NBAS: variants seen among roughly 807,000 people sequenced by gnomAD.
The protein encoded by NBAS is NBAS subunit of NRZ tethering complex.
Under a neutral mutation model 302.5 loss-of-function variants are expected in NBAS, and 219 were observed. That is an observed-to-expected ratio of 0.72 (90% CI 0.65 to 0.81). The LOEUF is 0.81. Ranked by LOEUF, NBAS falls within the 30% of genes least tolerant of loss-of-function variation. The pLI is 0.00. For missense variants in NBAS, 2,932 were observed against 2,841.6 expected (o/e 1.03, Z -0.72); for synonymous variants, 1,118 against 1,021.6 (o/e 1.09, Z -1.80).
At chr2:15,235,293 C>A (rs1667543711) in intron 45 of NBAS, among the ~76,000 whole-genome samples, 1 of 152,112 alleles carries the variant, frequency 6.6e-6, no homozygotes, top group African/African-American at 2.4e-5. Flanking sequence ...AGTAACATGA[C>A]CAAAGTCACA....
At chr2:14,984,327 C>T in the NBAS span, among the ~76,000 whole-genome samples, 2 of 152,278 alleles carry the variant, frequency 1.3e-5, no homozygotes, top group East Asian at 1.9e-4. Flanking sequence ...TTCTCTATGA[C>T]TCCCATGCCT....
the NBAS span, among the ~76,000 whole-genome samples, chr2:14,933,361 C>T: frequency 6.6e-6 from 1 of 152,146 alleles, no homozygotes; most frequent in Non-Finnish European, 1.5e-5. Flanking sequence ...TTTCCAAAAT[C>T]AACCTAAGCA....
intron 26 of NBAS, 25 bp from the exon 27 acceptor site, chr2:15,396,500 A>T: frequency 6.6e-7 from 1 of 1,521,236 alleles, no homozygotes; most frequent in Non-Finnish European, 8.9e-7. Flanking sequence ...GAAGAAAAAA[A>T]AAAGCCCTTA....
At chr2:14,829,770 G>A in the NBAS span, among the ~76,000 whole-genome samples, 1 of 152,160 alleles carries the variant, frequency 6.6e-6, no homozygotes, top group Non-Finnish European at 1.5e-5. Context: ...GGCTTACCTG[G>A]CCACACAAAA....
At chr2:15,295,294 T>C (rs1472349724) in intron 40 of NBAS, among the ~76,000 whole-genome samples, 2 of 152,216 alleles carry the variant, frequency 1.3e-5, no homozygotes, top group Non-Finnish European at 2.9e-5. Context: ...CAGGCTCTTA[T>C]GTAATCTGCA....
chr2:15,336,865 T>G (rs1013453659), intron 35 of NBAS, among the ~76,000 whole-genome samples: 2 of 152,216 alleles, frequency 1.3e-5, no homozygotes, highest in African/African-American at 2.4e-5. Flanking sequence ...GATTTGAAAG[T>G]CATCAACTAA....
intron 42 of NBAS, among the ~76,000 whole-genome samples, chr2:15,285,715 C>T (rs1457360191): frequency 1.3e-5 from 2 of 152,076 alleles, no homozygotes; most frequent in Non-Finnish European, 2.9e-5. Flanking sequence ...TGCAATGGCG[C>T]GATCTCTGCT....
At chr2:15,558,037 A>G (rs1380342523) in intron 2 of NBAS, among the ~76,000 whole-genome samples, 2 of 152,078 alleles carry the variant, frequency 1.3e-5, no homozygotes, top group Admixed American at 6.5e-5. Context: ...ACTTTCTGAG[A>G]CTCATACTGG....
At chr2:15,532,882 A>G (rs1431917367) in intron 9 of NBAS, among the ~76,000 whole-genome samples, 3 of 152,206 alleles carry the variant, frequency 2.0e-5, no homozygotes, top group Non-Finnish European at 4.4e-5. Context: ...AATACTCATT[A>G]TGCATATAAT....
the NBAS span, among the ~76,000 whole-genome samples, chr2:14,898,766 T>C: frequency 6.6e-6 from 1 of 152,182 alleles, no homozygotes; most frequent in Non-Finnish European, 1.5e-5. Flanking sequence ...TTATGAGGCT[T>C]CCCCAGCCAT....
At chr2:15,389,244 A>T (rs6705287) in intron 28 of NBAS, among the ~76,000 whole-genome samples, 1 of 151,946 alleles carries the variant, frequency 6.6e-6, no homozygotes, top group Non-Finnish European at 1.5e-5. Context: ...GTGGAAAACC[A>T]GCTTATGTAA....
rs1179649104 is a variant in NBAS at position 15,245,399 on chromosome 2, G to C, written c.5725-6713C>G. ...TGACTTGACCCTCTACTTCTCTTGG[G>C]ACTTCACAAAAATGTCATCTTATCC... On this transcript the variant is annotated intron_variant, in intron 44 of 51. Coordinates refer to ENST00000281513, the MANE Select transcript of NBAS (RefSeq NM_015909.4). Among the ~76,000 whole-genome samples, 3 of 151,972 alleles carry C rather than the reference G, an allele frequency of 2.0e-5. No individual in the cohort carries two copies. In the East Asian group the frequency reaches 5.8e-4, roughly 29 times the overall value.
intron 12 of NBAS, among the ~76,000 whole-genome samples, chr2:15,488,544 T>C (rs1680729114): frequency 6.6e-6 from 1 of 152,180 alleles, no homozygotes; most frequent in Non-Finnish European, 1.5e-5. Flanking sequence ...GTAACCCTTT[T>C]AGGATTTGAC....
the NBAS span, among the ~76,000 whole-genome samples, chr2:15,158,072 G>T: frequency 6.6e-6 from 1 of 152,260 alleles, no homozygotes; most frequent in Admixed American, 6.5e-5. Flanking sequence ...GCCCTACCCT[G>T]CAAGGCCATC....
At chr2:15,297,963 C>T (rs1013799406) in intron 40 of NBAS, among the ~76,000 whole-genome samples, 10 of 152,050 alleles carry the variant, frequency 6.6e-5, no homozygotes, top group African/African-American at 9.7e-5. Flanking sequence ...CTAATGATAA[C>T]GGTGTTTTAG....
At chr2:15,428,401 T>A (rs756352723) in intron 21 of NBAS, among the ~76,000 whole-genome samples, 1 of 152,184 alleles carries the variant, frequency 6.6e-6, no homozygotes, top group Admixed American at 6.5e-5. Context: ...AAGGAATGAT[T>A]CTGCAGGTTG....
At chr2:15,186,104 ACAC>A (rs1665066380) in intron 50 of NBAS, among the ~76,000 whole-genome samples, 1 of 149,806 alleles carries the variant, frequency 6.7e-6, no homozygotes, top group East Asian at 2.0e-4. Context: ...ACACACACAC[ACAC>A]ACATATGTGT....
intron 51 of NBAS, among the ~76,000 whole-genome samples, chr2:15,173,933 G>T (rs187487799): frequency 6.6e-6 from 1 of 152,112 alleles, no homozygotes; most frequent in African/African-American, 2.4e-5. Flanking sequence ...CTTTACAAGC[G>T]TCTTACCTAT....
At chr2:15,353,813 G>T in intron 33 of NBAS, 103 bp from the exon 34 acceptor site, 1 of 1,384,918 alleles carries the variant, frequency 7.2e-7, no homozygotes, top group Non-Finnish European at 1.0e-6. Context: ...TGGTACCAAA[G>T]CAAAATCATA....
Sources: gnomAD v4.1 joint callset for allele counts (sites outside exome capture counted in the v4.1 genomes callset) on GRCh38, gnomAD v4.1.1 for gene constraint, MANE v1.5 for transcripts, NCBI Gene and HGNC (gene_info 2026-07-23, HGNC 2026-07-21) for gene names.